TNPO3: variants seen among roughly 807,000 people sequenced by gnomAD.
TNPO3 encodes transportin-3.
Under a neutral mutation model 122.8 loss-of-function variants are expected in TNPO3, and 65 were observed. The ratio of observed to expected loss-of-function variants is 0.53; its 90% CI spans 0.43 to 0.65. The LOEUF is 0.65. TNPO3 is among the 30% of genes least tolerant of loss of function. The pLI is 0.00. For synonymous variants in TNPO3, 372 were observed against 411.2 expected (o/e 0.90, Z 1.15); for missense variants, 850 against 1,136.7 (o/e 0.75, Z 3.63).
rs770351898 is a variant in TNPO3 at position 129,017,063 on chromosome 7, AAG to A, written c.322-9_322-8del. Reference sequence around the variant, plus strand: ...CTGCTATTGCTAAAGCCAGCTGAATAAGAGAGATTAAATAAATGAAGACAGAT... The same window carrying A: ...CTGCTATTGCTAAAGCCAGCTGAATAAGAGATTAAATAAATGAAGACAGAT... On this transcript the variant is annotated splice_region_variant and splice_polypyrimidine_tract_variant and intron_variant, in intron 2 of 22. Transcript: ENST00000265388. 7.5e-6 allele frequency: 12 copies of A among 1,609,560 alleles called. No individual in the cohort carries two copies. The highest frequency in any genetic ancestry group is 2.2e-5 in the South Asian group (2 of 91,060).
chr7:129,004,134 A>G (rs773301604), intron 5 of TNPO3, among the ~76,000 whole-genome samples: 6 of 152,204 alleles, frequency 3.9e-5, no homozygotes, highest in Non-Finnish European at 5.9e-5. Flanking sequence ...ACACAGAAAT[A>G]CACACCAATG....
At chr7:128,958,137 C>CATTTT (rs1797080221) in intron 21 of TNPO3, among the ~76,000 whole-genome samples, 1 of 96,202 alleles carries the variant, frequency 1.0e-5, no homozygotes. Context: ...GAAGCACTTC[C>CATTTT]TTTTTTTTTT....
chr7:129,022,696 G>T (rs919708692), intron 1 of TNPO3, among the ~76,000 whole-genome samples: 1 of 152,262 alleles, frequency 6.6e-6, no homozygotes, highest in East Asian at 1.9e-4. Context: ...CATCTACTGT[G>T]ACTTGAACAC....
At chr7:128,963,955 A>T (rs1055907132) in intron 21 of TNPO3, among the ~76,000 whole-genome samples, 1 of 152,224 alleles carries the variant, frequency 6.6e-6, no homozygotes, top group Admixed American at 6.5e-5. Flanking sequence ...TCACTTATAT[A>T]TCTTTCTGAA....
At chr7:129,044,920 A>G (rs1807838875) in intron 1 of TNPO3, among the ~76,000 whole-genome samples, 1 of 152,242 alleles carries the variant, frequency 6.6e-6, no homozygotes, top group Non-Finnish European at 1.5e-5. Flanking sequence ...CCATGTTCAT[A>G]GCAGCATTAT....
At chr7:128,962,226 G>A (rs925197388) in intron 21 of TNPO3, among the ~76,000 whole-genome samples, 3 of 152,036 alleles carry the variant, frequency 2.0e-5, no homozygotes, top group African/African-American at 2.4e-5. Flanking sequence ...TTAGCCGGGC[G>A]CGGTGGCGGG....
At chr7:129,028,891 CATGAAGAGTTTAATA>C (rs978914424) in intron 1 of TNPO3, 2 of 352,856 alleles carry the variant, frequency 5.7e-6, no homozygotes, top group African/African-American at 4.4e-5. Flanking sequence ...ATCAAGAAAC[CATGAAGAGTTTAATA>C]ATGAAGAGTT....
intron 1 of TNPO3, among the ~76,000 whole-genome samples, chr7:129,027,476 G>A (rs1246731595): frequency 7.3e-6 from 1 of 136,390 alleles, no homozygotes; most frequent in Non-Finnish European, 1.5e-5. Context: ...CAGGAGAATC[G>A]CTTGAACCCG....
rs1445735245 is a variant in TNPO3 at position 128,988,336 on chromosome 7, T to TA, written c.1499-1417dup. Among the ~76,000 whole-genome samples, 10 of 152,238 alleles carry TA rather than the reference T, an allele frequency of 6.6e-5. No homozygotes were observed. The East Asian group carries it at 1.9e-3, about 29-fold the overall frequency. On this transcript the variant is annotated intron_variant, in intron 11 of 22. Coordinates refer to ENST00000265388, the MANE Select transcript of TNPO3 (RefSeq NM_012470.4). ...TGTCCATTTCTAGTCTAATGATCAA[T>TA]ACAATGCCCAAACTCAGCACAATCT...
Position 128,984,197 on chromosome 7 carries a change from A to G in TNPO3, c.1753T>C (p.Cys585Arg). The G allele has an allele frequency of 6.2e-7, 1 of 1,612,954 alleles. No individual in the cohort carries two copies. The highest frequency in any genetic ancestry group is 8.5e-7 in the Non-Finnish European group (1 of 1,179,510). Residue 585 changes from cysteine (C) to arginine (R), a missense_variant, in exon 13 of 23, where the codon TGT becomes CGT. By Grantham distance (180) the Cys-to-Arg change is radical. Coordinates refer to ENST00000265388, the MANE Select transcript of TNPO3 (RefSeq NM_012470.4). ...TTCAATGCCATAACCTGAACAGAAC[A>G]TAGTTCACTAAGACATTCGGTAATC... ...DKITECLSEL[C>R]SVQVMALKKL... is the part of the protein sequence containing the mutation.
At chr7:128,956,952 G>A (rs1796960505) in intron 22 of TNPO3, among the ~76,000 whole-genome samples, 2 of 152,202 alleles carry the variant, frequency 1.3e-5, no homozygotes, top group East Asian at 1.9e-4. Flanking sequence ...AAGGGGAAGG[G>A]GGAAGAAAAT....
chr7:129,025,490 G>A (rs1381655874), intron 1 of TNPO3, among the ~76,000 whole-genome samples: 1 of 151,306 alleles, frequency 6.6e-6, no homozygotes, highest in African/African-American at 2.4e-5. Context: ...TAAAAGGACA[G>A]TGGTTACCTT....
At chr7:129,022,825 T>C (rs1804685560) in intron 1 of TNPO3, among the ~76,000 whole-genome samples, 2 of 152,138 alleles carry the variant, frequency 1.3e-5, no homozygotes, top group South Asian at 4.1e-4. Context: ...CTTGCAAAAA[T>C]GTAGATATTA....
chr7:128,981,263 A>AT (rs1175445828), intron 14 of TNPO3, among the ~76,000 whole-genome samples: 4 of 152,174 alleles, frequency 2.6e-5, no homozygotes, highest in African/African-American at 9.7e-5. Context: ...TTTATCCCAC[A>AT]TAGGCTTCTA....
chr7:129,001,924 C>G (rs1051664113), intron 5 of TNPO3, among the ~76,000 whole-genome samples: 1 of 152,124 alleles, frequency 6.6e-6, no homozygotes, highest in African/African-American at 2.4e-5. Context: ...CAAGTACTAC[C>G]TAAAATGAAA....
chr7:128,969,182 T>C (rs905046254), intron 20 of TNPO3, among the ~76,000 whole-genome samples: 1 of 152,220 alleles, frequency 6.6e-6, no homozygotes, highest in African/African-American at 2.4e-5. Context: ...TTTCTGTTAC[T>C]TGGGAACCAA....
chr7:128,955,034 T>C lies in TNPO3; in HGVS notation c.*383A>G, dbSNP rs367595797. On this transcript the variant is annotated 3_prime_UTR_variant, in exon 23 of 23. Transcript: ENST00000265388. Reference sequence around the variant, plus strand: ...GTGCGTGTATGTGTGTGTGCGTGCATGTGTCATTTGCTACCAGGTGAATGT... The same window carrying C: ...GTGCGTGTATGTGTGTGTGCGTGCACGTGTCATTTGCTACCAGGTGAATGT... The C allele has an allele frequency of 1.3e-5, 4 of 311,034 alleles. No homozygotes were observed. Among genetic ancestry groups the C allele is most frequent in the South Asian group, 7.6e-5 (3 of 39,404 alleles). 19.3% of individuals were successfully genotyped at this position (311,034 alleles called of 1,614,324 possible).
intron 21 of TNPO3, among the ~76,000 whole-genome samples, chr7:128,965,375 A>C (rs1585321918): frequency 6.6e-6 from 1 of 152,228 alleles, no homozygotes; most frequent in African/African-American, 2.4e-5. Context: ...TGAAAACGGC[A>C]ATGAGATATC....
Position 128,955,112 on chromosome 7 carries a change from A to C in TNPO3, c.*305T>G, listed in dbSNP as rs1318349747. On this transcript the variant is annotated 3_prime_UTR_variant, in exon 23 of 23. Coordinates refer to ENST00000265388, the MANE Select transcript of TNPO3 (RefSeq NM_012470.4). The stretch of plus-strand genomic sequence containing the variant: ...CTTTTTTTTCTTTTTTCTTTACTTA[A>C]AATTATTTTTCCTTTTAGAAAGTTC... The C allele has an allele frequency of 3.1e-6, 1 of 321,098 alleles. No individual in the cohort carries two copies. Among genetic ancestry groups the C allele is most frequent in the East Asian group, 9.9e-5 (1 of 10,140 alleles). 19.9% of individuals were successfully genotyped at this position (321,098 alleles called of 1,614,324 possible).
Sources: gnomAD v4.1 joint callset for allele counts (sites outside exome capture counted in the v4.1 genomes callset) on GRCh38, gnomAD v4.1.1 for gene constraint, MANE v1.5 for transcripts, NCBI Gene and HGNC (gene_info 2026-07-23, HGNC 2026-07-21) for gene names.